The following CAMSAP1 variants were observed in gnomAD, a reference collection of about 807,000 sequenced individuals.
CAMSAP1 encodes calmodulin regulated spectrin associated protein 1, also known as calmodulin-regulated spectrin-associated protein 1.
Under a neutral mutation model 143.5 loss-of-function variants are expected in CAMSAP1, and 58 were observed. The observed-to-expected ratio is 0.40, with a 90% CI of 0.33 to 0.50. CAMSAP1 has a LOEUF of 0.50. Among genes scored for constraint, CAMSAP1 ranks in the 20% least tolerant of loss-of-function variants. The pLI, the probability that CAMSAP1 is intolerant of heterozygous loss-of-function variation, is 0.45. For synonymous variants in CAMSAP1, 945 were observed against 859.3 expected (o/e 1.10, Z -1.74); for missense variants, 1,969 against 2,115.7 (o/e 0.93, Z 1.36).
At chr9:135,823,527 C>T (rs1835562503) in intron 10 of CAMSAP1, among the ~76,000 whole-genome samples, 1 of 152,206 alleles carries the variant, frequency 6.6e-6, no homozygotes, top group African/African-American at 2.4e-5. Flanking sequence ...CAGTATTAAT[C>T]TCTATTTATC....
intron 3 of CAMSAP1, among the ~76,000 whole-genome samples, chr9:135,878,922 T>A (rs1588498331): frequency 6.6e-6 from 1 of 151,702 alleles, no homozygotes; most frequent in Non-Finnish European, 1.5e-5. Context: ...AAATAATGCA[T>A]GAGAAAAAAG....
intron 4 of CAMSAP1, 191 bp downstream of exon 4, chr9:135,866,265 C>T (rs915965929): frequency 2.0e-5 from 11 of 547,262 alleles, no homozygotes; most frequent in Admixed American, 3.1e-5. Flanking sequence ...CCAGGAGAGG[C>T]GGGGCAGGCT....
At chr9:135,899,914 C>T (rs978615483) in intron 1 of CAMSAP1, among the ~76,000 whole-genome samples, 1 of 152,180 alleles carries the variant, frequency 6.6e-6, no homozygotes, top group Non-Finnish European at 1.5e-5. Context: ...CCAGCCTCCT[C>T]AAGCCCGTCA....
intron 7 of CAMSAP1, among the ~76,000 whole-genome samples, chr9:135,845,259 CA>C (rs1025326923): frequency 6.6e-6 from 1 of 152,076 alleles, no homozygotes; most frequent in African/African-American, 2.4e-5. Flanking sequence ...GAGCCAATGA[CA>C]AAAAACCACA....
intron 3 of CAMSAP1, among the ~76,000 whole-genome samples, chr9:135,869,777 C>T (rs183675355): frequency 6.6e-6 from 1 of 152,294 alleles, no homozygotes; most frequent in Admixed American, 6.5e-5. Flanking sequence ...AGAAACACCA[C>T]AAATGCCCAT....
At chr9:135,876,235 G>A (rs1220590755) in intron 3 of CAMSAP1, among the ~76,000 whole-genome samples, 3 of 152,166 alleles carry the variant, frequency 2.0e-5, no homozygotes, top group Non-Finnish European at 4.4e-5. Context: ...TTACAGGTGT[G>A]AGCCACCACA....
At chr9:135,855,555 A>G (rs1238341921) in intron 5 of CAMSAP1, among the ~76,000 whole-genome samples, 1 of 151,666 alleles carries the variant, frequency 6.6e-6, no homozygotes, top group Admixed American at 6.6e-5. Flanking sequence ...CCTGGCCAAC[A>G]TGGCGAAACC....
intron 7 of CAMSAP1, among the ~76,000 whole-genome samples, chr9:135,829,760 G>A (rs1835792526): frequency 6.6e-6 from 1 of 152,034 alleles, no homozygotes. Context: ...GGCTGAGGCA[G>A]GAGAATCACT....
At chr9:135,863,792 C>T (rs1443825206) in intron 4 of CAMSAP1, among the ~76,000 whole-genome samples, 4 of 152,178 alleles carry the variant, frequency 2.6e-5, no homozygotes, top group Admixed American at 6.5e-5. Flanking sequence ...CTGTACCACG[C>T]GTGCAAACTC....
chr9:135,835,059 G>A (rs1278312122), intron 7 of CAMSAP1, among the ~76,000 whole-genome samples: 1 of 152,058 alleles, frequency 6.6e-6, no homozygotes, highest in African/African-American at 2.4e-5. Context: ...GCTGGACTCT[G>A]AGGGCCCTTG....
At position 135,822,952 on chromosome 9, in the gene CAMSAP1, G is replaced by C. The variant is rs55897943; in HGVS notation, c.1709C>G (p.Thr570Arg). The change falls in exon 11 of 17, where the codon ACA becomes AGA. Residue 570 changes from threonine (T) to arginine (R), a missense_variant. Thr to Arg is a moderately conservative substitution (Grantham distance 71, BLOSUM62 -1). Coordinates refer to ENST00000389532, the MANE Select transcript of CAMSAP1 (RefSeq NM_015447.4). The surrounding 1 kb of genome is among the most constrained non-coding windows in gnomAD (Gnocchi z 6.1). The part of the protein sequence containing the change: ...PRASPRALGL[T>R]ANARSPQGQL... ...TCCTTGGGGAGACCGGGCATTTGCTGTAAGGCCTAAGGCCCGGGGTGAGGC... is the reference window on the plus strand; with the variant it reads ...TCCTTGGGGAGACCGGGCATTTGCTCTAAGGCCTAAGGCCCGGGGTGAGGC... 1.5e-4 allele frequency: 236 copies of C among 1,613,848 alleles called. No individual in the cohort carries two copies. Among genetic ancestry groups the C allele is most frequent in the Non-Finnish European group, 1.9e-4 (229 of 1,179,892 alleles).
chr9:135,832,721 G>T (rs1835894636), intron 7 of CAMSAP1, among the ~76,000 whole-genome samples: 1 of 152,042 alleles, frequency 6.6e-6, no homozygotes, highest in Non-Finnish European at 1.5e-5. Flanking sequence ...TGAAAAAACT[G>T]TAGCATTTCT....
rs59978082 is a variant in CAMSAP1 at position 135,892,848 on chromosome 9, C to CAAAAAAAAAAA, written c.161-9781_161-9771dup. On this transcript the variant is annotated intron_variant, in intron 1 of 16. Transcript: ENST00000389532. ...CCTGGGCAACAGAGCAAGACTGTCT[C>CAAAAAAAAAAA]AAAAAAAAAAAAAAAAAAAGAACTA... Among the ~76,000 whole-genome samples the CAAAAAAAAAAA allele has an allele frequency of 4.1e-3, 174 of 42,038 alleles. 21 individuals carry two copies. Among genetic ancestry groups the CAAAAAAAAAAA allele is most frequent in the African/African-American group, 0.017 (151 of 8,696 alleles). The allele number at this position is 42,038 out of a possible 152,430, so 27.6% of individuals were successfully genotyped here. A position where few individuals can be genotyped will look rare whatever the true frequency, so the allele number is the denominator to read the frequency against.
At chr9:135,860,756 A>G (rs377133595) in intron 5 of CAMSAP1, among the ~76,000 whole-genome samples, 2 of 152,018 alleles carry the variant, frequency 1.3e-5, no homozygotes, top group East Asian at 1.9e-4. Flanking sequence ...TCTTTCACCC[A>G]TGTCTTGGTG....
chr9:135,831,924 TAATA>T (rs1390551215), intron 7 of CAMSAP1, among the ~76,000 whole-genome samples: 1 of 152,072 alleles, frequency 6.6e-6, no homozygotes, highest in African/African-American at 2.4e-5. Context: ...AAACAGACAG[TAATA>T]AATAAAGAGA....
chr9:135,850,511 G>A (rs766912999), intron 5 of CAMSAP1, 50 bp from the exon 6 acceptor site: 17 of 1,330,542 alleles, frequency 1.3e-5, no homozygotes, highest in African/African-American at 1.2e-4. Context: ...ATTCTGCTTC[G>A]AGAGAGAGAG....
intron 1 of CAMSAP1, among the ~76,000 whole-genome samples, chr9:135,906,689 G>A (rs1370429594): frequency 1.3e-5 from 2 of 152,032 alleles, no homozygotes; most frequent in Admixed American, 1.3e-4. Flanking sequence ...CCTGCGCCCA[G>A]AACCGGGCAG....
intron 3 of CAMSAP1, among the ~76,000 whole-genome samples, chr9:135,875,029 G>A (rs1009293573): frequency 1.3e-5 from 2 of 152,100 alleles, no homozygotes; most frequent in African/African-American, 4.8e-5. Context: ...TACACAGAAC[G>A]GAGAGAGATA....
At chr9:135,890,156 G>T (rs1261955068) in intron 1 of CAMSAP1, among the ~76,000 whole-genome samples, 1 of 151,996 alleles carries the variant, frequency 6.6e-6, no homozygotes, top group Non-Finnish European at 1.5e-5. Context: ...CAGAGGCTCC[G>T]CATGCCCAAC....
Sources: allele counts gnomAD v4.1 joint callset (sites outside exome capture counted in the v4.1 genomes callset), GRCh38; gene constraint gnomAD v4.1.1; non-coding constraint Gnocchi (gnomAD v3.1); transcripts MANE v1.5; gene names NCBI Gene and HGNC (gene_info 2026-07-23, HGNC 2026-07-21).